PSMG2: variants seen among roughly 807,000 people sequenced by gnomAD.
The protein encoded by PSMG2 is proteasome assembly chaperone 2.
PSMG2 carries 21 observed loss-of-function variants against 31.5 expected under a neutral mutation model. The ratio of observed to expected loss-of-function variants is 0.67; its 90% CI spans 0.47 to 0.96. PSMG2 has a LOEUF of 0.96. PSMG2 is among the 40% of genes least tolerant of loss of function. The pLI, the probability that PSMG2 is intolerant of heterozygous loss-of-function variation, is 0.00. For synonymous variants in PSMG2, 120 were observed against 110.4 expected (o/e 1.09, Z -0.54); for missense variants, 318 against 321.2 (o/e 0.99, Z 0.08).
intron 1 of PSMG2, among the ~76,000 whole-genome samples, chr18:12,660,567 C>T (rs775620822): frequency 2.0e-5 from 3 of 152,048 alleles, no homozygotes; most frequent in African/African-American, 7.2e-5. Context: ...GTGGTCCACC[C>T]GCCTCAGCCT....
chr18:12,686,132 G>A (rs893693623), intron 1 of PSMG2: 2 of 580,900 alleles, frequency 3.4e-6, no homozygotes, highest in African/African-American at 3.8e-5. Flanking sequence ...TGAATCTACA[G>A]ATACAGAACC....
chr18:12,678,349 G>A, intron 1 of PSMG2: 2 of 1,614,120 alleles, frequency 1.2e-6, no homozygotes, highest in South Asian at 2.2e-5. Context: ...ACATCTGATG[G>A]TTGAAAACAC....
intron 2 of PSMG2, among the ~76,000 whole-genome samples, chr18:12,710,033 C>T (rs963122499): frequency 2.6e-5 from 4 of 151,490 alleles, no homozygotes; most frequent in Middle Eastern, 3.4e-3. Flanking sequence ...AGCTCTGCCT[C>T]CCGGGTTCAC....
intron 5 of PSMG2, among the ~76,000 whole-genome samples, chr18:12,722,423 G>A (rs1598688847): frequency 6.6e-6 from 1 of 152,086 alleles, no homozygotes; most frequent in Non-Finnish European, 1.5e-5. Context: ...CAGGGAGGCC[G>A]AGGCAACTGG....
chr18:12,715,291 G>A (rs1191070344), intron 3 of PSMG2, among the ~76,000 whole-genome samples: 1 of 152,098 alleles, frequency 6.6e-6, no homozygotes, highest in African/African-American at 2.4e-5. Flanking sequence ...TTACAGGTGT[G>A]AGCCACCACA....
intron 1 of PSMG2, among the ~76,000 whole-genome samples, chr18:12,664,400 A>G (rs2038761422): frequency 2.0e-5 from 3 of 151,028 alleles, no homozygotes; most frequent in African/African-American, 7.3e-5. Context: ...AAATACAAAA[A>G]TTAGCCGGGC....
intron 2 of PSMG2, among the ~76,000 whole-genome samples, chr18:12,709,649 C>G (rs1396261262): frequency 6.6e-6 from 1 of 152,074 alleles, no homozygotes; most frequent in Non-Finnish European, 1.5e-5. Context: ...CAGGTCCACG[C>G]CCCCACGCCC....
At chr18:12,685,012 CTTT>C (rs932893246) in intron 1 of PSMG2, 1 of 146,098 alleles carries the variant, frequency 6.8e-6, no homozygotes, top group South Asian at 2.2e-4. Flanking sequence ...GCCATTTTCT[CTTT>C]TTTTTTTATG....
chr18:12,675,077 T>TATATTTTGAG (rs71174126), intron 1 of PSMG2, among the ~76,000 whole-genome samples: 54,676 of 151,500 alleles, frequency 0.36, 10,405 homozygotes, highest in Non-Finnish European at 0.44. Context: ...GTATAATTCT[T>TATATTTTGAG]ATATTTTGAG....
intron 1 of PSMG2, chr18:12,678,062 A>G (rs754777943): frequency 6.7e-7 from 1 of 1,481,932 alleles, no homozygotes; most frequent in East Asian, 2.3e-5. Flanking sequence ...AGTTAAATAC[A>G]TAAATGAAAA....
intron 5 of PSMG2, among the ~76,000 whole-genome samples, chr18:12,722,689 G>T (rs1339518533): frequency 1.3e-5 from 2 of 152,224 alleles, no homozygotes; most frequent in African/African-American, 4.8e-5. Flanking sequence ...ATACTCAGTT[G>T]TATCAACCAG....
intron 2 of PSMG2, among the ~76,000 whole-genome samples, chr18:12,707,644 G>A (rs1360386071): frequency 2.0e-5 from 3 of 152,202 alleles, no homozygotes; most frequent in Admixed American, 2.0e-4. Flanking sequence ...CACCAGGTGA[G>A]TAAGAGAAGA....
chr18:12,690,604 C>T (rs926668548), intron 1 of PSMG2, among the ~76,000 whole-genome samples: 2 of 152,094 alleles, frequency 1.3e-5, no homozygotes, highest in South Asian at 2.1e-4. Flanking sequence ...TATAGGAGCC[C>T]GCCATCACGC....
chr18:12,722,813 AAT>A (rs1568046210), intron 5 of PSMG2, among the ~76,000 whole-genome samples: 1 of 152,248 alleles, frequency 6.6e-6, no homozygotes, highest in East Asian at 1.9e-4. Context: ...GTGACAAACT[AAT>A]AAGAGGCGCG....
At chr18:12,720,810 C>G (rs2040423770) in intron 5 of PSMG2, 127 bp downstream of exon 5, 1 of 957,594 alleles carries the variant, frequency 1.0e-6, no homozygotes, top group East Asian at 2.8e-5. Flanking sequence ...AAACAAAAAA[C>G]AACAACAAAA....
intron 1 of PSMG2, among the ~76,000 whole-genome samples, chr18:12,677,696 C>T (rs557457492): frequency 5.7e-4 from 87 of 152,132 alleles, no homozygotes; most frequent in African/African-American, 1.9e-3. Context: ...TGGGCTCAAG[C>T]GATCCACCCA....
upstream of PSMG2, chr18:12,699,038 C>T: frequency 6.2e-7 from 1 of 1,613,922 alleles, no homozygotes; most frequent in Non-Finnish European, 8.5e-7. Flanking sequence ...TTCACAGGCA[C>T]ATGGAACAGG....
At chr18:12,722,280 A>G (rs920368249) in intron 5 of PSMG2, among the ~76,000 whole-genome samples, 2 of 152,190 alleles carry the variant, frequency 1.3e-5, no homozygotes, top group African/African-American at 2.4e-5. Flanking sequence ...CAGGCAGCAC[A>G]TAGCTGTCAT....
chr18:12,701,852 C>A (rs186660908), upstream of PSMG2, among the ~76,000 whole-genome samples: 1 of 152,316 alleles, frequency 6.6e-6, no homozygotes, highest in East Asian at 1.9e-4. Context: ...TGATATCTGC[C>A]GGGCGCGGAG....
Sources: allele counts gnomAD v4.1 joint callset (sites outside exome capture counted in the v4.1 genomes callset), GRCh38; gene constraint gnomAD v4.1.1; transcripts MANE v1.5; gene names NCBI Gene and HGNC (gene_info 2026-07-23, HGNC 2026-07-21).